Variants in TMEM120B observed in about 807,000 individuals in gnomAD.
TMEM120B encodes the protein transmembrane protein 120B.
A neutral mutation model predicts 55.5 loss-of-function variants in TMEM120B; 31 were observed. That is an observed-to-expected ratio of 0.56 (90% confidence interval 0.42 to 0.75). The LOEUF (loss-of-function observed/expected upper bound fraction) is 0.75. Ranked by LOEUF, TMEM120B falls within the 30% of genes least tolerant of loss-of-function variation. The pLI, the probability that TMEM120B is intolerant of heterozygous loss-of-function variation, is 0.00. For missense variants in TMEM120B, 399 were observed against 425.5 expected (o/e 0.94, Z 0.55); for synonymous variants, 203 against 176.3 (o/e 1.15, Z -1.20).
chr12:121,713,904 CCT>C (rs1336503222), intron 1 of TMEM120B, among the ~76,000 whole-genome samples: 1 of 152,186 alleles, frequency 6.6e-6, no homozygotes, highest in African/African-American at 2.4e-5. Flanking sequence ...TCACCCCAGT[CCT>C]CTCATTTGGA....
intron 1 of TMEM120B, among the ~76,000 whole-genome samples, chr12:121,734,664 A>G (rs1895070671): frequency 6.6e-6 from 1 of 152,104 alleles, no homozygotes; most frequent in South Asian, 2.1e-4. Flanking sequence ...CTGTAATCCC[A>G]GCACTTTGCG....
At chr12:121,730,483 A>G (rs1309331155) in intron 1 of TMEM120B, among the ~76,000 whole-genome samples, 1 of 1,780 alleles carries the variant, frequency 5.6e-4, no homozygotes, top group Non-Finnish European at 1.3e-3. Flanking sequence ...CTTCTCTACT[A>G]AAAAAAAAAA....
Position 121,729,912 on chromosome 12 carries a change from G to A in TMEM120B, c.70-13717G>A, listed in dbSNP as rs151092192. On this transcript the variant is annotated intron_variant, in intron 1 of 11. Coordinates refer to ENST00000449592, the MANE Select transcript of TMEM120B (RefSeq NM_001080825.2). Reference sequence around the variant, plus strand: ...ACCCATCTTCCATCCATCAGTGGAGGCGTGGATAAATAAAATGTGGCTCGT... The same window carrying A: ...ACCCATCTTCCATCCATCAGTGGAGACGTGGATAAATAAAATGTGGCTCGT... Among the ~76,000 whole-genome samples, 53 of 152,266 alleles carry A rather than the reference G, an allele frequency of 3.5e-4. No homozygotes were observed. The East Asian group carries it at 9.8e-3, about 28-fold the overall frequency.
At chr12:121,750,893 T>C (rs996767828) in intron 4 of TMEM120B, among the ~76,000 whole-genome samples, 176 of 8,438 alleles carry the variant, frequency 0.021, no homozygotes, top group Middle Eastern at 0.05. Context: ...ACACCCCACA[T>C]CCCACACCCA....
Position 121,779,461 on chromosome 12 carries a change from C to T in TMEM120B, c.*3739C>T, listed in dbSNP as rs1233568137. On this transcript the variant is annotated 3_prime_UTR_variant, in exon 12 of 12. Coordinates refer to ENST00000449592, the MANE Select transcript of TMEM120B (RefSeq NM_001080825.2). ...TGCAATCGGCACCTGGGCCCCCGGG[C>T]CCTGTCAGTGCTGTCGTGAGGTCTG... 6.2e-7 allele frequency: 1 copy of T among 1,601,292 alleles called. No homozygotes were observed. The highest frequency in any genetic ancestry group is 8.5e-7 in the Non-Finnish European group (1 of 1,175,922).
chr12:121,752,075 T>G (rs1592939263), intron 4 of TMEM120B, 53 bp from the exon 5 acceptor site: 2 of 1,486,666 alleles, frequency 1.3e-6, no homozygotes, highest in African/African-American at 2.8e-5. Context: ...CATGCCCAGG[T>G]GCTGGAATAG....
intron 5 of TMEM120B, among the ~76,000 whole-genome samples, chr12:121,754,856 C>T (rs531926457): frequency 7.2e-5 from 11 of 152,264 alleles, no homozygotes; most frequent in East Asian, 3.9e-4. Context: ...GGGGATTGGA[C>T]GGGCCGTTCA....
At chr12:121,742,007 C>CT (rs1395595652) in intron 1 of TMEM120B, among the ~76,000 whole-genome samples, 163 of 140,906 alleles carry the variant, frequency 1.2e-3, no homozygotes, top group Middle Eastern at 3.7e-3. Flanking sequence ...ACTTAACTTC[C>CT]TTTTTTTTTT....
rs1338237582 is a variant in TMEM120B, at chr12:121,779,352, A to G, written c.*3630A>G. Reference sequence around the variant, plus strand: ...TGGTCAGAGCCCCAGCCAGGAAAGGAGAGAGTTCCAGAATGTTCCAAGAGT... The same window carrying G: ...TGGTCAGAGCCCCAGCCAGGAAAGGGGAGAGTTCCAGAATGTTCCAAGAGT... On this transcript the variant is annotated 3_prime_UTR_variant, in exon 12 of 12. Transcript: ENST00000449592. 105 of 845,162 alleles carry G rather than the reference A, an allele frequency of 1.2e-4. 1 individual carries two copies. The South Asian group carries it at 1.8e-3, about 14-fold the overall frequency. 52.4% of individuals were successfully genotyped at this position (845,162 alleles called of 1,614,324 possible). A position where few individuals can be genotyped will look rare whatever the true frequency, so the allele number is the denominator to read the frequency against.
chr12:121,745,737 T>G (rs1027967023), intron 2 of TMEM120B, among the ~76,000 whole-genome samples: 4 of 152,104 alleles, frequency 2.6e-5, no homozygotes, highest in Non-Finnish European at 4.4e-5. Context: ...CAGGCTGGAG[T>G]GCAGTGGCGC....
chr12:121,766,564 C>T (rs1293648834), intron 6 of TMEM120B, among the ~76,000 whole-genome samples: 3 of 152,188 alleles, frequency 2.0e-5, no homozygotes, highest in Admixed American at 2.0e-4. Flanking sequence ...ACACAGACTT[C>T]TGATTGGCCA....
At chr12:121,726,026 A>T (rs1592925231) in intron 1 of TMEM120B, among the ~76,000 whole-genome samples, 1 of 106,020 alleles carries the variant, frequency 9.4e-6, no homozygotes, top group Non-Finnish European at 1.9e-5. Context: ...AACAAGCGAG[A>T]CTCTGTCTCA....
chr12:121,764,862 C>T (rs2137317606), intron 6 of TMEM120B, among the ~76,000 whole-genome samples: 1 of 152,240 alleles, frequency 6.6e-6, no homozygotes, highest in East Asian at 1.9e-4. Context: ...AAATGGACTT[C>T]CAAAGCCAGC....
intron 1 of TMEM120B, among the ~76,000 whole-genome samples, chr12:121,735,185 C>CA (rs377589219): frequency 0.27 from 17,760 of 66,070 alleles, 1,553 homozygotes; most frequent in Non-Finnish European, 0.29. Context: ...GACTCTGTCT[C>CA]AAAAAAAAAA....
Position 121,775,866 on chromosome 12 carries a change from A to G in TMEM120B, c.*144A>G, listed in dbSNP as rs771169934. The G allele has an allele frequency of 1.4e-5, 12 of 829,588 alleles. No individual in the cohort carries two copies. Among genetic ancestry groups the G allele is most frequent in the Non-Finnish European group, 2.4e-5 (12 of 506,818 alleles). 51.4% of individuals were successfully genotyped at this position (829,588 alleles called of 1,614,324 possible). A position where few individuals can be genotyped will look rare whatever the true frequency, so the allele number is the denominator to read the frequency against. ...CAGTGGACCCCAGTGGTCTAGAGGA[A>G]TGTGAGCCCCGCCTGTCCGCACAGT... is the stretch of plus-strand genomic sequence containing the variant. On this transcript the variant is annotated 3_prime_UTR_variant, in exon 12 of 12. Coordinates refer to ENST00000449592, the MANE Select transcript of TMEM120B (RefSeq NM_001080825.2). This position sits in a 1 kb window ranked among gnomAD's most constrained non-coding sequence, Gnocchi z 4.3.
chr12:121,720,429 T>A (rs541734996), intron 1 of TMEM120B, among the ~76,000 whole-genome samples: 1 of 152,164 alleles, frequency 6.6e-6, no homozygotes, highest in South Asian at 2.1e-4. Flanking sequence ...TAATCTCTTG[T>A]CCAGGCACAG....
intron 1 of TMEM120B, among the ~76,000 whole-genome samples, chr12:121,720,756 C>G (rs2669172): frequency 0.41 from 62,428 of 151,898 alleles, 13,396 homozygotes; most frequent in African/African-American, 0.54. Flanking sequence ...TTACCACCAG[C>G]AAGAGGCACA....
At chr12:121,753,037 G>C (rs1264286625) in intron 5 of TMEM120B, among the ~76,000 whole-genome samples, 1 of 152,156 alleles carries the variant, frequency 6.6e-6, no homozygotes, top group East Asian at 1.9e-4. Context: ...GAGTCCAGGA[G>C]TTTGAGGCTG....
At chr12:121,713,329 G>A (rs1347590294) in intron 1 of TMEM120B, among the ~76,000 whole-genome samples, 1 of 152,158 alleles carries the variant, frequency 6.6e-6, no homozygotes, top group Non-Finnish European at 1.5e-5. Flanking sequence ...GGTCTCCCCA[G>A]ATCTCACCCC....
Sources: gnomAD v4.1 joint callset for allele counts (sites outside exome capture counted in the v4.1 genomes callset) on GRCh38, gnomAD v4.1.1 for gene constraint, Gnocchi (gnomAD v3.1) non-coding constraint, MANE v1.5 for transcripts, NCBI Gene and HGNC (gene_info 2026-07-23, HGNC 2026-07-21) for gene names.